Variants in LDB2 observed in about 807,000 individuals in gnomAD.
LDB2 encodes LIM domain-binding protein 2.
Under a neutral mutation model 44.3 loss-of-function variants are expected in LDB2, and 12 were observed. The ratio of observed to expected loss-of-function variants is 0.27; its 90% CI spans 0.17 to 0.44. The LOEUF (loss-of-function observed/expected upper bound fraction) is 0.44. Ranked by LOEUF, LDB2 falls within the 20% of genes least tolerant of loss-of-function variation. The pLI is 1.00. For missense variants in LDB2, 344 were observed against 473.5 expected, an observed-to-expected ratio of 0.73 and a Z score of 2.54; for synonymous variants, 164 against 174.8, an observed-to-expected ratio of 0.94 and a Z score of 0.49.
At chr4:16,614,118 T>C (rs896734811) in intron 2 of LDB2, among the ~76,000 whole-genome samples, 3 of 152,032 alleles carry the variant, frequency 2.0e-5, no homozygotes, top group African/African-American at 7.3e-5. Flanking sequence ...ACACCACACA[T>C]ATACAATCAT....
chr4:16,677,001 C>T (rs1330297353), intron 2 of LDB2, among the ~76,000 whole-genome samples: 1 of 152,192 alleles, frequency 6.6e-6, no homozygotes, highest in East Asian at 1.9e-4. Flanking sequence ...TTCTTGGCCC[C>T]TCGCTTAAAA....
chr4:16,873,306 T>C (rs1054835988), intron 1 of LDB2, among the ~76,000 whole-genome samples: 2 of 152,164 alleles, frequency 1.3e-5, no homozygotes, highest in African/African-American at 2.4e-5. Context: ...TTGACTTTAA[T>C]TTTTTTACAT....
intron 5 of LDB2, among the ~76,000 whole-genome samples, chr4:16,559,932 A>T (rs1741406381): frequency 6.6e-6 from 1 of 152,196 alleles, no homozygotes; most frequent in Non-Finnish European, 1.5e-5. Context: ...CCGCTCAACT[A>T]CATGGAAACT....
At chr4:16,513,646 T>C (rs1464871166) in intron 5 of LDB2, among the ~76,000 whole-genome samples, 1 of 152,232 alleles carries the variant, frequency 6.6e-6, no homozygotes, top group East Asian at 1.9e-4. Flanking sequence ...ATTTCAGGGC[T>C]ATGCCACTTC....
chr4:16,730,575 C>A (rs996979219), intron 2 of LDB2, among the ~76,000 whole-genome samples: 2 of 152,138 alleles, frequency 1.3e-5, no homozygotes, highest in African/African-American at 4.8e-5. Flanking sequence ...TTTATTCCTC[C>A]CCCAATCTCT....
chr4:16,864,533 C>A (rs1713944131), intron 1 of LDB2, among the ~76,000 whole-genome samples: 1 of 152,076 alleles, frequency 6.6e-6, no homozygotes, highest in Admixed American at 6.6e-5. Context: ...GGTCAATTAC[C>A]CCCAGAGTAT....
At chr4:16,754,207 T>A (rs772866838) in intron 2 of LDB2, among the ~76,000 whole-genome samples, 22 of 152,166 alleles carry the variant, frequency 1.4e-4, no homozygotes, top group Non-Finnish European at 2.8e-4. Flanking sequence ...CACCACTTAC[T>A]AGAAGCGAGA....
chr4:16,681,166 C>G (rs981406399), intron 2 of LDB2, among the ~76,000 whole-genome samples: 1 of 152,158 alleles, frequency 6.6e-6, no homozygotes, highest in Non-Finnish European at 1.5e-5. Context: ...AGAGTTTTCT[C>G]TGGCTGGTTG....
intron 2 of LDB2, among the ~76,000 whole-genome samples, chr4:16,714,922 G>C (rs1756747198): frequency 6.6e-6 from 1 of 152,080 alleles, no homozygotes; most frequent in South Asian, 2.1e-4. Flanking sequence ...CTTAAATCCA[G>C]GATGATCTCA....
At chr4:16,734,156 T>C (rs1413180701) in intron 2 of LDB2, among the ~76,000 whole-genome samples, 2 of 152,200 alleles carry the variant, frequency 1.3e-5, no homozygotes, top group African/African-American at 4.8e-5. Flanking sequence ...CTTAACCTAG[T>C]TTGCAGCACA....
intron 2 of LDB2, chr4:16,674,237 T>C: frequency 7.8e-7 from 1 of 1,288,940 alleles, no homozygotes; most frequent in Non-Finnish European, 1.0e-6. Flanking sequence ...TGATAGGAAA[T>C]TGTAATAATC....
chr4:16,610,963 G>C (rs1725440357), intron 2 of LDB2, among the ~76,000 whole-genome samples: 1 of 152,180 alleles, frequency 6.6e-6, no homozygotes. Flanking sequence ...GGCAGCCAGA[G>C]AGAAAGGCCA....
intron 5 of LDB2, among the ~76,000 whole-genome samples, chr4:16,530,174 G>T (rs12498169): frequency 0.64 from 97,984 of 152,058 alleles, 31,981 homozygotes; most frequent in East Asian, 0.9. Flanking sequence ...TTTACAGTAG[G>T]GACAGCTGAA....
intron 2 of LDB2, among the ~76,000 whole-genome samples, chr4:16,734,298 T>C (rs2108947035): frequency 6.6e-6 from 1 of 152,344 alleles, no homozygotes; most frequent in Middle Eastern, 3.4e-3. Context: ...AACAACTATG[T>C]ATTTAATCCT....
At chr4:16,669,824 C>A (rs2152554633) in intron 2 of LDB2, among the ~76,000 whole-genome samples, 1 of 152,306 alleles carries the variant, frequency 6.6e-6, no homozygotes, top group African/African-American at 2.4e-5. Context: ...CCCTCTTTCC[C>A]AAATTTTTGT....
At chr4:16,778,893 G>A (rs1414183571) in intron 1 of LDB2, among the ~76,000 whole-genome samples, 1 of 152,180 alleles carries the variant, frequency 6.6e-6, no homozygotes, top group Non-Finnish European at 1.5e-5. Context: ...TTAGAGAACT[G>A]AACTAGCTCT....
intron 1 of LDB2, among the ~76,000 whole-genome samples, chr4:16,875,112 T>A (rs1337233931): frequency 3.3e-5 from 5 of 152,084 alleles, no homozygotes; most frequent in Admixed American, 1.3e-4. Context: ...CAACAAGTAT[T>A]CACTGGACAG....
At chr4:16,787,863 T>C (rs1774798564) in intron 1 of LDB2, among the ~76,000 whole-genome samples, 2 of 152,198 alleles carry the variant, frequency 1.3e-5, no homozygotes, top group Non-Finnish European at 2.9e-5. Flanking sequence ...CTGCAGACAC[T>C]CAAAATATTG....
intron 2 of LDB2, among the ~76,000 whole-genome samples, chr4:16,729,391 G>C (rs1760244934): frequency 6.6e-6 from 1 of 152,122 alleles, no homozygotes; most frequent in African/African-American, 2.4e-5. Flanking sequence ...TGGGCCACGT[G>C]AAATTCAGTC....
Sources: gnomAD v4.1 joint callset for allele counts (sites outside exome capture counted in the v4.1 genomes callset) on GRCh38, gnomAD v4.1.1 for gene constraint, MANE v1.5 for transcripts, NCBI Gene and HGNC (gene_info 2026-07-23, HGNC 2026-07-21) for gene names.